The following BCAR3 variants were observed in gnomAD, a reference collection of about 807,000 sequenced individuals.
BCAR3 encodes the protein breast cancer anti-estrogen resistance protein 3.
In BCAR3, 37 loss-of-function variants were observed where a neutral mutation model predicts 80.1. That is an observed-to-expected ratio of 0.46 (90% CI 0.36 to 0.61). The LOEUF is 0.61. Among genes scored for constraint, BCAR3 ranks in the 20% least tolerant of loss-of-function variants. BCAR3 has a pLI of 0.00. For missense variants in BCAR3, 978 were observed against 1,068.2 expected (o/e 0.92, Z 1.18); for synonymous variants, 389 against 418.9 (o/e 0.93, Z 0.87).
intron 2 of BCAR3, among the ~76,000 whole-genome samples, chr1:93,643,200 C>A (rs572077572): frequency 6.9e-6 from 1 of 145,604 alleles, no homozygotes; most frequent in East Asian, 2.0e-4. Flanking sequence ...GCACTCCAGC[C>A]TGGGCAACAA....
intron 2 of BCAR3, among the ~76,000 whole-genome samples, chr1:93,818,345 T>C (rs1046545769): frequency 1.3e-5 from 2 of 152,220 alleles, no homozygotes; most frequent in African/African-American, 2.4e-5. Context: ...CTTCAATGTC[T>C]ACCGCCTCCT....
intron 3 of BCAR3, among the ~76,000 whole-genome samples, chr1:93,624,626 C>G (rs1426077330): frequency 6.6e-6 from 1 of 152,244 alleles, no homozygotes; most frequent in African/African-American, 2.4e-5. Flanking sequence ...AATGCCTGAA[C>G]ATGATAGGGG....
intron 2 of BCAR3, among the ~76,000 whole-genome samples, chr1:93,769,355 A>G (rs1225224354): frequency 6.7e-5 from 8 of 119,912 alleles, no homozygotes; most frequent in African/African-American, 1.6e-4. Context: ...GTGGGTAGGA[A>G]TGTGTGTGTG....
chr1:93,700,198 T>A (rs193228783), intron 3 of BCAR3, among the ~76,000 whole-genome samples: 1 of 152,204 alleles, frequency 6.6e-6, no homozygotes, highest in East Asian at 1.9e-4. Flanking sequence ...AGAAAATTCT[T>A]TTTTTTTCTT....
At chr1:93,800,189 T>A (rs951126046) in intron 2 of BCAR3, among the ~76,000 whole-genome samples, 2 of 152,202 alleles carry the variant, frequency 1.3e-5, no homozygotes, top group Admixed American at 1.3e-4. Context: ...TTTATTTGGA[T>A]CCATTCATAT....
intron 3 of BCAR3, among the ~76,000 whole-genome samples, chr1:93,608,243 C>T (rs1276373133): frequency 6.6e-6 from 1 of 152,224 alleles, no homozygotes; most frequent in Non-Finnish European, 1.5e-5. Context: ...TCAACAGTAG[C>T]TCCTGGCACT....
At chr1:93,776,977 C>T (rs1652572781) in intron 2 of BCAR3, among the ~76,000 whole-genome samples, 1 of 152,088 alleles carries the variant, frequency 6.6e-6, no homozygotes. Flanking sequence ...TGAGGTCATA[C>T]TGGATTAGGG....
At chr1:93,705,217 T>G (rs1341629320) in intron 3 of BCAR3, among the ~76,000 whole-genome samples, 1 of 152,162 alleles carries the variant, frequency 6.6e-6, no homozygotes, top group Non-Finnish European at 1.5e-5. Flanking sequence ...GGGTGGTATG[T>G]AAGCATCTCC....
intron 3 of BCAR3, among the ~76,000 whole-genome samples, chr1:93,695,030 C>T (rs556880272): frequency 1.3e-5 from 2 of 152,206 alleles, no homozygotes; most frequent in Non-Finnish European, 2.9e-5. Flanking sequence ...CCTCTTTCTG[C>T]CCACATTCCC....
intron 2 of BCAR3, among the ~76,000 whole-genome samples, chr1:93,737,269 C>T (rs1651005356): frequency 6.6e-6 from 1 of 152,130 alleles, no homozygotes; most frequent in Non-Finnish European, 1.5e-5. Flanking sequence ...TTCCTGTTCA[C>T]CCAGAACCTC....
intron 2 of BCAR3, among the ~76,000 whole-genome samples, chr1:93,843,399 C>T (rs1170391829): frequency 1.3e-5 from 2 of 152,190 alleles, no homozygotes; most frequent in African/African-American, 4.8e-5. Flanking sequence ...ATTTGTTACA[C>T]ACTTACCATG....
At chr1:93,620,466 A>C (rs1675273514) in intron 3 of BCAR3, among the ~76,000 whole-genome samples, 1 of 152,114 alleles carries the variant, frequency 6.6e-6, no homozygotes, top group African/African-American at 2.4e-5. Flanking sequence ...ATCCACAACT[A>C]CCAGCTCTCC....
intron 1 of BCAR3, among the ~76,000 whole-genome samples, chr1:93,680,168 T>C (rs11164961): frequency 0.29 from 43,380 of 152,134 alleles, 9,018 homozygotes; most frequent in African/African-American, 0.6. Context: ...AATTCCTCCA[T>C]GGATTGTATT....
chr1:93,652,345 G>A (rs1390004974), intron 2 of BCAR3, among the ~76,000 whole-genome samples: 1 of 152,144 alleles, frequency 6.6e-6, no homozygotes, highest in Non-Finnish European at 1.5e-5. Flanking sequence ...TAAAAAATCT[G>A]AACCAAATTA....
chr1:93,822,866 C>T (rs1448131495), intron 2 of BCAR3, among the ~76,000 whole-genome samples: 1 of 136,160 alleles, frequency 7.3e-6, no homozygotes, highest in Non-Finnish European at 1.7e-5. Flanking sequence ...ATAGAGCTCC[C>T]TTTGTAGATC....
intron 2 of BCAR3, among the ~76,000 whole-genome samples, chr1:93,708,391 A>G (rs1649898434): frequency 6.6e-6 from 1 of 152,160 alleles, no homozygotes; most frequent in Admixed American, 6.5e-5. Context: ...TTTGTTTCCA[A>G]GGGGCCTTTT....
At chr1:93,825,445 T>C (rs1654341683) in intron 2 of BCAR3, among the ~76,000 whole-genome samples, 1 of 133,834 alleles carries the variant, frequency 7.5e-6, no homozygotes, top group Admixed American at 7.8e-5. Context: ...TCCTCCCTGA[T>C]CAAGAAAAGC....
intron 3 of BCAR3, among the ~76,000 whole-genome samples, chr1:93,699,991 T>G (rs1169188656): frequency 6.6e-6 from 1 of 152,044 alleles, no homozygotes; most frequent in African/African-American, 2.4e-5. Context: ...ATTTTACAGG[T>G]AAGGCAATGA....
At chr1:93,693,503 C>T (rs143945522) in intron 3 of BCAR3, among the ~76,000 whole-genome samples, 12 of 152,278 alleles carry the variant, frequency 7.9e-5, no homozygotes, top group Non-Finnish European at 1.5e-4. Context: ...GAACAATCCT[C>T]GCATATTCTG....
Sources: allele counts gnomAD v4.1 joint callset (sites outside exome capture counted in the v4.1 genomes callset), GRCh38; gene constraint gnomAD v4.1.1; transcripts MANE v1.5; gene names NCBI Gene and HGNC (gene_info 2026-07-23, HGNC 2026-07-21).